Variants in ATG7 observed in about 807,000 individuals in gnomAD.
ATG7 encodes autophagy related 7.
ATG7 carries 70 observed loss-of-function variants against 82.4 expected under a neutral mutation model. That is an observed-to-expected ratio of 0.85 (90% CI 0.70 to 1.04). The LOEUF (loss-of-function observed/expected upper bound fraction) is 1.04. Ranked by LOEUF, ATG7 falls within the 50% of genes least tolerant of loss-of-function variation. The pLI, the probability that ATG7 is intolerant of heterozygous loss-of-function variation, is 0.00. For synonymous variants in ATG7, 287 were observed against 313.0 expected, an observed-to-expected ratio of 0.92 and a Z score of 0.88; for missense variants, 792 against 864.3, an observed-to-expected ratio of 0.92 and a Z score of 1.05.
intron 17 of ATG7, among the ~76,000 whole-genome samples, chr3:11,363,631 G>T (rs1193656269): frequency 6.6e-6 from 1 of 152,222 alleles, no homozygotes; most frequent in Non-Finnish European, 1.5e-5. Flanking sequence ...TCAAGGCATA[G>T]TGAGGATAAG....
intron 19 of ATG7, among the ~76,000 whole-genome samples, chr3:11,422,740 C>CTTTTTTTTTTTTTTTTTTTTGTTTT (rs2082039515): frequency 2.0e-5 from 1 of 49,546 alleles, no homozygotes; most frequent in South Asian, 1.1e-3. Context: ...TCATTTCTAG[C>CTTTTTTTTTTTTTTTTTTTTGTTTT]TTTTTTTTTT....
chr3:11,416,998 T>C (rs1476558696), intron 19 of ATG7, among the ~76,000 whole-genome samples: 2 of 152,216 alleles, frequency 1.3e-5, no homozygotes, highest in Non-Finnish European at 2.9e-5. Context: ...TCCAATTATC[T>C]TTCTGTTGTG....
chr3:11,506,462 C>T (rs13086126), intron 20 of ATG7, among the ~76,000 whole-genome samples: 27,051 of 146,918 alleles, frequency 0.18, 3,022 homozygotes, highest in South Asian at 0.38. Context: ...TGTGCTTATG[C>T]GTATCAGCAC....
At chr3:11,306,758 G>A (rs1008574855) in intron 5 of ATG7, among the ~76,000 whole-genome samples, 185 bp from the exon 6 acceptor site, 1 of 152,108 alleles carries the variant, frequency 6.6e-6, no homozygotes, top group South Asian at 2.1e-4. Context: ...CTTTTAGGGG[G>A]GAATGGTGCC....
At chr3:11,568,823 C>T in the ATG7 span, 4 of 1,421,754 alleles carry the variant, frequency 2.8e-6, no homozygotes, top group Non-Finnish European at 3.7e-6. This position sits in a 1 kb window ranked among gnomAD's most constrained non-coding sequence, Gnocchi z 5.9. Context: ...CCGCGAACAC[C>T]CAAAGGACTC....
chr3:11,542,364 T>C (rs994968794), intron 20 of ATG7, among the ~76,000 whole-genome samples: 1 of 152,212 alleles, frequency 6.6e-6, no homozygotes, highest in Non-Finnish European at 1.5e-5. Context: ...GGGGGAGACC[T>C]AGAGCAGCCT....
intron 17 of ATG7, 88 bp downstream of exon 17, chr3:11,363,016 G>C (rs1054630815): frequency 1.8e-6 from 2 of 1,142,358 alleles, no homozygotes; most frequent in African/African-American, 3.1e-5. Context: ...TTCTCAGTCT[G>C]ACTTTACAGA....
At chr3:11,576,292 G>C in the ATG7 span, among the ~76,000 whole-genome samples, 5 of 152,196 alleles carry the variant, frequency 3.3e-5, no homozygotes, top group Non-Finnish European at 7.3e-5. Context: ...TCCCACATTA[G>C]AGTTTTCAAA....
downstream of ATG7, chr3:11,559,586 A>C (rs2072778439): frequency 3.0e-6 from 4 of 1,323,318 alleles, no homozygotes; most frequent in Admixed American, 1.3e-4. Flanking sequence ...CTCCCACTTC[A>C]ATACTGGAGT....
intron 19 of ATG7, among the ~76,000 whole-genome samples, chr3:11,380,692 A>G (rs996096034): frequency 1.3e-5 from 2 of 152,174 alleles, no homozygotes; most frequent in African/African-American, 4.8e-5. Flanking sequence ...TTTCCTTTCA[A>G]GTGTTCCTTT....
intron 20 of ATG7, chr3:11,510,203 C>T (rs913437067): frequency 1.3e-4 from 61 of 456,504 alleles, no homozygotes; most frequent in Admixed American, 4.0e-4. Context: ...TTCTTTCATC[C>T]GGCCCAAGAA....
downstream of ATG7, among the ~76,000 whole-genome samples, chr3:11,561,876 G>C (rs2073041087): frequency 6.7e-6 from 1 of 148,506 alleles, no homozygotes. Flanking sequence ...AACCCCCAAG[G>C]CTGGCTGCGC....
rs192692649 is a variant in ATG7 at position 11,530,572 on chromosome 3, T to G, written c.2080-24239T>G. On this transcript the variant is annotated intron_variant, in intron 20 of 20. Coordinates refer to ENST00000693202, the MANE Select transcript of ATG7 (RefSeq NM_001349232.2). ...ACCCATTCCAGACTTGATGGTGAAA[T>G]GAATCCCCTCCTCTGAGACCAACCG... Among the ~76,000 whole-genome samples, 19 of 152,212 alleles carry G rather than the reference T, an allele frequency of 1.2e-4. 1 individual carries two copies. Among genetic ancestry groups the G allele is most frequent in the African/African-American group, 4.3e-4 (18 of 41,524 alleles).
At chr3:11,400,744 C>A (rs888137549) in intron 19 of ATG7, among the ~76,000 whole-genome samples, 1 of 152,088 alleles carries the variant, frequency 6.6e-6, no homozygotes, top group Admixed American at 6.6e-5. Context: ...CTATAACCTT[C>A]TTGATGGAAC....
Position 11,555,135 on chromosome 3 carries a change from C to T in ATG7, c.*292C>T, listed in dbSNP as rs2072281501. The T allele has an allele frequency of 2.2e-6, 1 of 445,234 alleles. No individual in the cohort carries two copies. Among genetic ancestry groups the T allele is most frequent in the Non-Finnish European group, 4.0e-6 (1 of 250,678 alleles). The allele number at this position is 445,234 out of a possible 1,614,324, so 27.6% of individuals were successfully genotyped here. ...CTTGTCACAGTGACTGATAGCCATC[C>T]CCCAGGATCCTTTCCCCTTGGCCCT... On this transcript the variant is annotated 3_prime_UTR_variant, in exon 21 of 21. Coordinates refer to ENST00000693202, the MANE Select transcript of ATG7 (RefSeq NM_001349232.2).
chr3:11,495,536 C>T (rs1004617565), intron 20 of ATG7, among the ~76,000 whole-genome samples: 1 of 152,170 alleles, frequency 6.6e-6, no homozygotes, highest in African/African-American at 2.4e-5. Context: ...AAGCCACTGA[C>T]TAGTTGTGCT....
chr3:11,440,638 C>T (rs1365177009), intron 20 of ATG7, among the ~76,000 whole-genome samples: 1 of 140,950 alleles, frequency 7.1e-6, no homozygotes, highest in Non-Finnish European at 1.5e-5. Flanking sequence ...CTCTTAATTT[C>T]CCTTTACAAT....
intron 20 of ATG7, among the ~76,000 whole-genome samples, chr3:11,435,293 G>A (rs574783708): frequency 4.6e-5 from 7 of 152,036 alleles, no homozygotes; most frequent in Non-Finnish European, 7.4e-5. Context: ...GTCACTGTAC[G>A]TATAAATCTA....
At chr3:11,490,852 G>C (rs2090273059) in intron 20 of ATG7, among the ~76,000 whole-genome samples, 1 of 152,206 alleles carries the variant, frequency 6.6e-6, no homozygotes, top group Non-Finnish European at 1.5e-5. Flanking sequence ...CTGTTAGCCT[G>C]ATGGGCTTCC....
Sources: allele counts gnomAD v4.1 joint callset (sites outside exome capture counted in the v4.1 genomes callset), GRCh38; gene constraint gnomAD v4.1.1; non-coding constraint Gnocchi (gnomAD v3.1); transcripts MANE v1.5; gene names NCBI Gene and HGNC (gene_info 2026-07-23, HGNC 2026-07-21).